The following TRPV4 variants were observed in gnomAD, a reference collection of about 807,000 sequenced individuals.
The protein encoded by TRPV4 is transient receptor potential cation channel subfamily V member 4.
Under a neutral mutation model 84.1 loss-of-function variants are expected in TRPV4, and 58 were observed. That is an observed-to-expected ratio of 0.69 (90% confidence interval 0.56 to 0.86). The LOEUF (loss-of-function observed/expected upper bound fraction) is 0.86, where lower values mean the gene tolerates loss of function less well. TRPV4 is among the 40% of genes least tolerant of loss of function. The probability of loss-of-function intolerance (pLI) is 0.00; values close to 1 mark genes in which losing one functional copy is unlikely to be tolerated. For synonymous variants in TRPV4, 489 were observed against 500.9 expected, an observed-to-expected ratio of 0.98 and a Z score of 0.32; for missense variants, 879 against 1,181.1, an observed-to-expected ratio of 0.74 and a Z score of 3.75.
At chr12:109,827,691 CACAT>C (rs201914704) in intron 1 of TRPV4, among the ~76,000 whole-genome samples, 4,683 of 151,962 alleles carry the variant, frequency 0.031, 232 homozygotes, top group African/African-American at 0.11. Context: ...CATAGACATT[CACAT>C]ACACACATAC....
At chr12:109,802,570 G>A (rs902986105) in intron 4 of TRPV4, among the ~76,000 whole-genome samples, 8 of 151,792 alleles carry the variant, frequency 5.3e-5, no homozygotes, top group Non-Finnish European at 8.8e-5. Flanking sequence ...CCAAAGTGCT[G>A]GGATTACAGG....
Position 109,786,940 on chromosome 12 carries a change from T to A in TRPV4, c.2209-103A>T, listed in dbSNP as rs1265916428. On this transcript the variant is annotated intron_variant, in intron 13 of 15. Transcript: ENST00000261740. The surrounding 1 kb of genome is among the most constrained non-coding windows in gnomAD (Gnocchi z 4.5). ...CAACGGGCCAGGGTGGGCCCAGAAC[T>A]AGGCATTTAGACTCCTACTCCCCAC... The A allele has an allele frequency of 6.6e-7, 1 of 1,520,440 alleles. No individual in the cohort carries two copies. The highest frequency in any genetic ancestry group is 2.3e-5 in the East Asian group (1 of 43,038). 94.2% of individuals were successfully genotyped at this position (1,520,440 alleles called of 1,614,324 possible).
chr12:109,791,776 G>A (rs373916090), intron 12 of TRPV4, among the ~76,000 whole-genome samples: 1 of 151,754 alleles, frequency 6.6e-6, no homozygotes, highest in African/African-American at 2.4e-5. Context: ...GAGCCACTGC[G>A]CCCGGCCACC....
chr12:109,785,406 T>G (rs1363354237), intron 14 of TRPV4, among the ~76,000 whole-genome samples: 1 of 151,944 alleles, frequency 6.6e-6, no homozygotes, highest in Non-Finnish European at 1.5e-5. Flanking sequence ...TAATTTTTTA[T>G]CCTATCTATT....
In TRPV4 at chr12:109,792,648, G is replaced by A. The variant is rs147259744; in HGVS notation, c.1824+4C>T. 732 of 1,614,090 alleles carry A rather than the reference G, an allele frequency of 4.5e-4. 7 individuals carry two copies. The African/African-American group carries it at 7.4e-3, about 16-fold the overall frequency. ...CGAGTCCAGAGGGTCCTCCCAGCCCGTACCTTCTGGATCATGATGCTATAG... is the reference window on the plus strand; with the variant it reads ...CGAGTCCAGAGGGTCCTCCCAGCCCATACCTTCTGGATCATGATGCTATAG... On this transcript the variant is annotated splice_donor_region_variant and intron_variant, in intron 11 of 15. Coordinates refer to ENST00000261740, the MANE Select transcript of TRPV4 (RefSeq NM_021625.5).
At chr12:109,790,263 T>C (rs1425298666) in intron 12 of TRPV4, among the ~76,000 whole-genome samples, 1 of 152,218 alleles carries the variant, frequency 6.6e-6, no homozygotes, top group African/African-American at 2.4e-5. Context: ...ATGAACCTGC[T>C]CAGATGTGTA....
rs751576686 is a variant in TRPV4, at chr12:109,792,391, G to A, written c.1863C>T (p.Tyr621=). ...FKDLFRFLLV[Y]LLFMIGYASA... is the part of the protein sequence containing the mutation. Reference sequence around the variant, plus strand: ...AAGCGTAGCCGATCATGAAGAGCAAGTAGACGAGCAGGAATCGGAAAAGGT... The same window carrying A: ...AAGCGTAGCCGATCATGAAGAGCAAATAGACGAGCAGGAATCGGAAAAGGT... The change falls in exon 12 of 16, where the codon TAC becomes TAT. Residue 621 remains tyrosine, a synonymous_variant. Coordinates refer to ENST00000261740, the MANE Select transcript of TRPV4 (RefSeq NM_021625.5). 7 of 1,613,804 alleles carry A rather than the reference G, an allele frequency of 4.3e-6. No homozygotes were observed. The South Asian group carries it at 6.6e-5, about 15-fold the overall frequency.
In TRPV4 at chr12:109,820,513, C is replaced by CTTTTTTT. The variant is rs1245573219; in HGVS notation, c.-31-5687_-31-5686insAAAAAAA. ...TCTGATCTTCACTTTCTTCAGCTGC[C>CTTTTTTT]CTATTTTTTTTTTTTTTTTTTTTTT... On this transcript the variant is annotated intron_variant, in intron 1 of 15. Coordinates refer to ENST00000261740, the MANE Select transcript of TRPV4 (RefSeq NM_021625.5). Among the ~76,000 whole-genome samples, 93 of 106,806 alleles carry CTTTTTTT rather than the reference C, an allele frequency of 8.7e-4. 2 individuals are homozygous for CTTTTTTT. The highest frequency in any genetic ancestry group is 1.7e-3 in the South Asian group (6 of 3,484). The allele number at this position is 106,806 out of a possible 152,430, so 70.1% of individuals were successfully genotyped here.
intron 12 of TRPV4, 118 bp downstream of exon 12, chr12:109,792,243 CAA>C (rs768558199): frequency 0.056 from 18,220 of 327,434 alleles, no homozygotes; most frequent in East Asian, 0.07. Context: ...AACTCCACCT[CAA>C]AAAAAAAAAA....
At chr12:109,785,885 T>C (rs987633050) in intron 14 of TRPV4, among the ~76,000 whole-genome samples, 1 of 151,730 alleles carries the variant, frequency 6.6e-6, no homozygotes, top group Non-Finnish European at 1.5e-5. Flanking sequence ...AAATTAAAAA[T>C]TGGTCGGACA....
At chr12:109,802,617 T>TTA (rs373137562) in intron 4 of TRPV4, among the ~76,000 whole-genome samples, 27,785 of 144,226 alleles carry the variant, frequency 0.19, 3,107 homozygotes, top group South Asian at 0.37. Context: ...TTATTTTATT[T>TTA]TTTTTTTTTT....
intron 1 of TRPV4, among the ~76,000 whole-genome samples, chr12:109,820,464 A>G (rs1053622672): frequency 2.7e-5 from 4 of 145,604 alleles, no homozygotes; most frequent in African/African-American, 1.0e-4. Context: ...TTGCTGGGTG[A>G]GTATGAGCAA....
rs1891722182 is a variant in TRPV4 at position 109,814,337 on chromosome 12, T to C, written c.386+74A>G. On this transcript the variant is annotated intron_variant, in intron 2 of 15. Transcript: ENST00000261740. This position sits in a 1 kb window ranked among gnomAD's most constrained non-coding sequence, Gnocchi z 5.4. ...AATCGACGGATGGGTGGATAATAGA[T>C]AGAGGGGTGGATGATGAATGGGTGA... The C allele has an allele frequency of 6.5e-7, 1 of 1,530,362 alleles. No homozygotes were observed. Among genetic ancestry groups the C allele is most frequent in the South Asian group, 1.2e-5 (1 of 84,914 alleles). The allele number at this position is 1,530,362 out of a possible 1,614,324, so 94.8% of individuals were successfully genotyped here. A position where few individuals can be genotyped will look rare whatever the true frequency, so the allele number is the denominator to read the frequency against.
rs771541111 is a variant in TRPV4, at chr12:109,798,575, G to A, written c.1152+39C>T. On this transcript the variant is annotated intron_variant, in intron 6 of 15. Transcript: ENST00000261740. This position sits in a 1 kb window ranked among gnomAD's most constrained non-coding sequence, Gnocchi z 5.0. Reference sequence around the variant, plus strand: ...CTCGTGTGTGTGTGCAGAGGGGTACGAGTAGGTGGATCAGCTGTGCCCCCA... The same window carrying A: ...CTCGTGTGTGTGTGCAGAGGGGTACAAGTAGGTGGATCAGCTGTGCCCCCA... 11 of 1,604,644 alleles carry A rather than the reference G, an allele frequency of 6.9e-6. No individual in the cohort carries two copies. The highest frequency in any genetic ancestry group is 6.7e-5 in the East Asian group (3 of 44,866).
In TRPV4 at chr12:109,783,677, C is replaced by T. The variant is rs368963822; in HGVS notation, c.2560G>A (p.Asp854Asn). The T allele has an allele frequency of 3.2e-5, 52 of 1,613,732 alleles. No homozygotes were observed. The highest frequency in any genetic ancestry group is 4.4e-5 in the South Asian group (4 of 91,082). Residue 854 changes from aspartate (D) to asparagine (N), a missense_variant, in exon 16 of 16, where the codon GAT becomes AAT. Coordinates refer to ENST00000261740, the MANE Select transcript of TRPV4 (RefSeq NM_021625.5). The surrounding 1 kb of genome is among the most constrained non-coding windows in gnomAD (Gnocchi z 4.6). ...CGGGGGTAACCCTGCTGGTGGCCAT[C>T]GCAGCGGGGGTTCCCCATGCTGTCC... ...PLDSMGNPRC[D>N]GHQQGYPRKW...
At chr12:109,813,204 G>C (rs561572478) in intron 2 of TRPV4, among the ~76,000 whole-genome samples, 87 of 152,312 alleles carry the variant, frequency 5.7e-4, no homozygotes, top group African/African-American at 2.0e-3. Context: ...GAGGTCAGGA[G>C]TTCAAGACCA....
chr12:109,829,796 G>A (rs1892363831), intron 1 of TRPV4, among the ~76,000 whole-genome samples: 1 of 152,222 alleles, frequency 6.6e-6, no homozygotes, highest in South Asian at 2.1e-4. Flanking sequence ...ACATGCGGAT[G>A]CAGTTTAAGC....
Position 109,783,819 on chromosome 12 carries a change from G to GGA in TRPV4, c.2459-43_2459-42dup. 6.2e-7 allele frequency: 1 copy of GGA among 1,606,244 alleles called. No homozygotes were observed. The highest frequency in any genetic ancestry group is 8.5e-7 in the Non-Finnish European group (1 of 1,179,278). ...ATCAGAGGGAGGGGTGGGGGTTGGTGGAGAGAGAGCGTGCGTATATTGAGT... is the reference window on the plus strand; with the variant it reads ...ATCAGAGGGAGGGGTGGGGGTTGGTGGAGAGAGAGAGCGTGCGTATATTGAGT... On this transcript the variant is annotated intron_variant, in intron 15 of 15. Transcript: ENST00000261740. This position sits in a 1 kb window ranked among gnomAD's most constrained non-coding sequence, Gnocchi z 4.6.
chr12:109,808,427 G>A lies in TRPV4; in HGVS notation c.428C>T (p.Pro143Leu), dbSNP rs1221321990. 7 of 1,614,102 alleles carry A rather than the reference G, an allele frequency of 4.3e-6. No individual in the cohort carries two copies. Among genetic ancestry groups the A allele is most frequent in the East Asian group, 4.5e-5 (2 of 44,886 alleles). ...QSPKAPAPQP[P>L]PILKVFNRPI... Reference sequence around the variant, plus strand: ...CCGGTTGAAGACTTTGAGGATGGGGGGCGGCTGAGGGGCAGGGGCTTTGGG... The same window carrying A: ...CCGGTTGAAGACTTTGAGGATGGGGAGCGGCTGAGGGGCAGGGGCTTTGGG... The change falls in exon 3 of 16, where the codon CCC becomes CTC. Residue 143 changes from proline (P) to leucine (L), a missense_variant. Physicochemically the swap from Pro to Leu is moderately conservative, Grantham distance 98. Transcript: ENST00000261740.
Sources: gnomAD v4.1 joint callset for allele counts (sites outside exome capture counted in the v4.1 genomes callset) on GRCh38, gnomAD v4.1.1 for gene constraint, Gnocchi (gnomAD v3.1) non-coding constraint, MANE v1.5 for transcripts, NCBI Gene and HGNC (gene_info 2026-07-23, HGNC 2026-07-21) for gene names.